Variants in RNF13 observed in about 807,000 individuals in gnomAD.
RNF13 encodes ring finger protein 13, also known as E3 ubiquitin-protein ligase RNF13.
Under a neutral mutation model 37.7 loss-of-function variants are expected in RNF13, and 19 were observed. That is an observed-to-expected ratio of 0.50 (90% CI 0.35 to 0.74). RNF13 has a LOEUF of 0.74. RNF13 is among the 30% of genes least tolerant of loss of function. The probability of loss-of-function intolerance (pLI) is 0.01; values close to 1 mark genes in which losing one functional copy is unlikely to be tolerated. For synonymous variants in RNF13, 144 were observed against 157.8 expected, an observed-to-expected ratio of 0.91 and a Z score of 0.65; for missense variants, 375 against 453.0, an observed-to-expected ratio of 0.83 and a Z score of 1.56.
rs1011628682 is a variant in RNF13, at chr3:149,962,090, G to A, written c.*986G>A. On this transcript the variant is annotated 3_prime_UTR_variant, in exon 10 of 10. Coordinates refer to ENST00000392894, the MANE Select transcript of RNF13 (RefSeq NM_183381.3). Reference sequence around the variant, plus strand: ...AGGATTTTTATATGGCCTTGTATGAGGGGAGTTTGAATGTTAATAAACATG... The same window carrying A: ...AGGATTTTTATATGGCCTTGTATGAAGGGAGTTTGAATGTTAATAAACATG... 2 of 152,584 alleles carry A rather than the reference G, an allele frequency of 1.3e-5. No homozygotes were observed. The highest frequency in any genetic ancestry group is 1.3e-4 in the Admixed American group (2 of 15,274). The allele number at this position is 152,584 out of a possible 1,614,324, so 9.5% of individuals were successfully genotyped here.
chr3:149,959,760 A>G (rs1722204127), intron 8 of RNF13, among the ~76,000 whole-genome samples: 1 of 152,260 alleles, frequency 6.6e-6, no homozygotes, highest in Non-Finnish European at 1.5e-5. Flanking sequence ...CTGGCATTAA[A>G]TATTTCAAAA....
At chr3:149,924,045 G>A (rs1433174478) in intron 8 of RNF13, among the ~76,000 whole-genome samples, 1 of 152,168 alleles carries the variant, frequency 6.6e-6, no homozygotes, top group Non-Finnish European at 1.5e-5. Flanking sequence ...TGATATCAGT[G>A]GAGGAGAAGA....
intron 6 of RNF13, 39 bp from the exon 7 acceptor site, chr3:149,911,939 C>G: frequency 3.9e-6 from 4 of 1,016,696 alleles, no homozygotes; most frequent in African/African-American, 1.6e-5. Flanking sequence ...AATTTAACAA[C>G]TCTTCATTTC....
intron 1 of RNF13, among the ~76,000 whole-genome samples, chr3:149,844,760 A>G (rs983824990): frequency 1.3e-5 from 2 of 152,186 alleles, no homozygotes; most frequent in Non-Finnish European, 2.9e-5. Flanking sequence ...CTAGACATTT[A>G]AAAAAAGCTT....
At chr3:149,950,007 T>A (rs1031322746) in intron 8 of RNF13, among the ~76,000 whole-genome samples, 5 of 152,186 alleles carry the variant, frequency 3.3e-5, no homozygotes, top group Non-Finnish European at 7.3e-5. Flanking sequence ...TGCTTTTCAG[T>A]TTTGTAAGTT....
intron 6 of RNF13, among the ~76,000 whole-genome samples, chr3:149,902,464 G>A (rs1275285131): frequency 6.6e-6 from 1 of 151,850 alleles, no homozygotes; most frequent in African/African-American, 2.4e-5. Context: ...TGCAATTTAT[G>A]TTTATATGAC....
intron 8 of RNF13, among the ~76,000 whole-genome samples, chr3:149,943,523 A>G (rs1260483484): frequency 6.6e-6 from 1 of 152,180 alleles, no homozygotes; most frequent in Non-Finnish European, 1.5e-5. Context: ...CTACATGGAC[A>G]CATTGTTATC....
chr3:149,960,715 A>G, intron 9 of RNF13, 25 bp from the exon 10 acceptor site: 1 of 1,574,018 alleles, frequency 6.4e-7, no homozygotes, highest in Non-Finnish European at 8.6e-7. Context: ...CATACTAACT[A>G]AAGATGTATA....
Position 149,813,219 on chromosome 3 carries a change from A to C in RNF13, c.-151A>C, listed in dbSNP as rs575455799. ...GTGGGGCGGGACTTCCGCTTCGCCTAGGTGTTGTCGTCCCTGCTAGTACTC... is the reference window on the plus strand; with the variant it reads ...GTGGGGCGGGACTTCCGCTTCGCCTCGGTGTTGTCGTCCCTGCTAGTACTC... On this transcript the variant is annotated 5_prime_UTR_variant, in exon 1 of 10. Transcript: ENST00000392894. 2.5e-4 allele frequency: 38 copies of C among 152,536 alleles called. No homozygotes were observed. The highest frequency in any genetic ancestry group is 8.9e-4 in the African/African-American group (37 of 41,558). The allele number at this position is 152,536 out of a possible 1,614,324, so 9.4% of individuals were successfully genotyped here.
At chr3:149,823,211 CT>C (rs1407688848) in intron 1 of RNF13, among the ~76,000 whole-genome samples, 3 of 152,060 alleles carry the variant, frequency 2.0e-5, no homozygotes, top group African/African-American at 7.2e-5. Flanking sequence ...GTTTTAAGCA[CT>C]TTATGCTGTT....
At chr3:149,832,150 G>A (rs111595739) in intron 1 of RNF13, among the ~76,000 whole-genome samples, 6 of 151,844 alleles carry the variant, frequency 4.0e-5, no homozygotes, top group African/African-American at 7.3e-5. Context: ...TATTCTGTTC[G>A]CAAATTAGGA....
intron 4 of RNF13, among the ~76,000 whole-genome samples, chr3:149,874,746 A>C (rs1470065075): frequency 6.6e-6 from 1 of 152,118 alleles, no homozygotes; most frequent in Admixed American, 6.5e-5. Context: ...ATAAATTTGT[A>C]ATAGTAAGAA....
chr3:149,896,237 AATTT>A (rs201483774), intron 5 of RNF13, among the ~76,000 whole-genome samples: 2,147 of 152,222 alleles, frequency 0.014, 26 homozygotes, highest in Middle Eastern at 0.02. Flanking sequence ...TCATGATTAG[AATTT>A]ATTTTATTCT....
intron 3 of RNF13, among the ~76,000 whole-genome samples, chr3:149,862,944 T>TTGA (rs1425010859): frequency 1.3e-5 from 2 of 152,232 alleles, no homozygotes; most frequent in Non-Finnish European, 2.9e-5. Context: ...TATTTTACAT[T>TTGA]TGATATATTC....
At position 149,921,227 on chromosome 3, in the gene RNF13, GGTAA is replaced by G. The variant is rs769240853; in HGVS notation, c.700+4_700+7del. The G allele has an allele frequency of 1.0e-4, 139 of 1,339,404 alleles. No homozygotes were observed. Among genetic ancestry groups the G allele is most frequent in the Non-Finnish European group, 1.3e-4 (135 of 1,002,906 alleles). The allele number at this position is 1,339,404 out of a possible 1,614,324, so 83.0% of individuals were successfully genotyped here. ...ACTTCCTGTACATAAATTCAAGAAAGGTAAGTATTTGTTTTCTAAATAATTATCC... is the reference window on the plus strand; with the variant it reads ...ACTTCCTGTACATAAATTCAAGAAAGGTATTTGTTTTCTAAATAATTATCC... On this transcript the variant is annotated splice_donor_variant and splice_donor_region_variant and intron_variant, in intron 8 of 9. Coordinates refer to ENST00000392894, the MANE Select transcript of RNF13 (RefSeq NM_183381.3). LOFTEE classifies it high-confidence loss of function.
chr3:149,815,651 A>T (rs1331011020), intron 1 of RNF13, among the ~76,000 whole-genome samples: 2 of 152,230 alleles, frequency 1.3e-5, no homozygotes, highest in African/African-American at 4.8e-5. Context: ...TATTCTATAG[A>T]TATTTATTGA....
At position 149,895,496 on chromosome 3, in the gene RNF13, A is replaced by G; in HGVS notation, c.345A>G (p.Gly115=). ...DIKVLNAQRA[G]YKAAIVHNVD... is the part of the protein sequence containing the mutation. The stretch of plus-strand genomic sequence containing the variant: ...AGGTTTTAAATGCACAGAGAGCAGG[A>G]TACAAGGCAGCCATAGTTCACAATG... The change falls in exon 5 of 10, where the codon GGA becomes GGG. Residue 115 remains glycine, a synonymous_variant. Coordinates refer to ENST00000392894, the MANE Select transcript of RNF13 (RefSeq NM_183381.3). 1 of 1,606,132 alleles carries G rather than the reference A, an allele frequency of 6.2e-7. No homozygotes were observed. Among genetic ancestry groups the G allele is most frequent in the Non-Finnish European group, 8.5e-7 (1 of 1,175,898 alleles).
chr3:149,848,003 G>A (rs955609200), intron 2 of RNF13, among the ~76,000 whole-genome samples: 2 of 152,184 alleles, frequency 1.3e-5, no homozygotes, highest in Non-Finnish European at 2.9e-5. Flanking sequence ...AAGTGCCACA[G>A]TTTCTTTATT....
intron 3 of RNF13, among the ~76,000 whole-genome samples, chr3:149,862,481 A>G (rs1488661761): frequency 2.0e-5 from 3 of 152,050 alleles, no homozygotes; most frequent in African/African-American, 7.2e-5. Flanking sequence ...TAAAACATAC[A>G]TATATATATT....
Sources: gnomAD v4.1 joint callset for allele counts (sites outside exome capture counted in the v4.1 genomes callset) on GRCh38, gnomAD v4.1.1 for gene constraint, MANE v1.5 for transcripts, NCBI Gene and HGNC (gene_info 2026-07-23, HGNC 2026-07-21) for gene names.